The following NOTCH2 variants were observed in gnomAD, a reference collection of about 807,000 sequenced individuals.
NOTCH2 encodes the protein notch receptor 2, also known as neurogenic locus notch homolog protein 2.
In NOTCH2, 29 loss-of-function variants were observed where a neutral mutation model predicts 235.8. The ratio of observed to expected loss-of-function variants is 0.12; its 90% confidence interval spans 0.09 to 0.17. The LOEUF is 0.17. Among genes scored for constraint, NOTCH2 ranks in the 10% least tolerant of loss-of-function variants. The pLI is 1.00. For synonymous variants in NOTCH2, 1,086 were observed against 1,141.5 expected, an observed-to-expected ratio of 0.95 and a Z score of 0.98; for missense variants, 2,285 against 3,150.2, an observed-to-expected ratio of 0.73 and a Z score of 6.57.
chr1:119,950,896 C>T, intron 14 of NOTCH2, 59 bp from the exon 15 acceptor site: 1 of 1,059,500 alleles, frequency 9.4e-7, no homozygotes, highest in East Asian at 2.4e-5. Flanking sequence ...TCATCAATTT[C>T]TAACCAATTC....
chr1:119,945,851 T>C lies in NOTCH2; in HGVS notation c.2752+2563A>G, dbSNP rs371665984. On this transcript the variant is annotated intron_variant, in intron 17 of 33. Transcript: ENST00000256646. ...TGAATAATAAGTAGACAGAAAGTCA[T>C]AGAGGACATAAAAGACCTGAATAAC... 5.3e-5 allele frequency among the ~76,000 whole-genome samples: 8 copies of C among 152,136 alleles called. No homozygotes were observed. The East Asian group carries it at 9.7e-4, about 18-fold the overall frequency.
At chr1:120,047,692 A>G (rs1236071789) in intron 1 of NOTCH2, among the ~76,000 whole-genome samples, 1 of 150,416 alleles carries the variant, frequency 6.6e-6, no homozygotes, top group Admixed American at 6.6e-5. Context: ...TCAAAAAAAA[A>G]AAAAAAGTCA....
At chr1:119,936,832 C>T (rs1453687716) in intron 21 of NOTCH2, among the ~76,000 whole-genome samples, 1 of 151,854 alleles carries the variant, frequency 6.6e-6, no homozygotes, top group Non-Finnish European at 1.5e-5. Flanking sequence ...TAGCATGATG[C>T]TATGGGGAAC....
Position 119,977,925 on chromosome 1 carries a change from T to A in NOTCH2, c.875-8181A>T, listed in dbSNP as rs79563491. Among the ~76,000 whole-genome samples, 17 of 152,198 alleles carry A rather than the reference T, an allele frequency of 1.1e-4. No homozygotes were observed. In the East Asian group the frequency reaches 3.3e-3, roughly 29 times the overall value. On this transcript the variant is annotated intron_variant, in intron 5 of 33. Coordinates refer to ENST00000256646, the MANE Select transcript of NOTCH2 (RefSeq NM_024408.4). ...TGTGCCAGGCTCTGACTATACACAA[T>A]GGGATTATAATGGTGAACAAAACAG...
At chr1:120,023,235 A>G (rs1190192515) in intron 2 of NOTCH2, among the ~76,000 whole-genome samples, 3 of 151,006 alleles carry the variant, frequency 2.0e-5, no homozygotes, top group Non-Finnish European at 3.0e-5. Flanking sequence ...CAGGAGATAG[A>G]GACCATCCTG....
intron 4 of NOTCH2, among the ~76,000 whole-genome samples, chr1:119,988,783 C>T (rs1378709201): frequency 2.0e-5 from 3 of 152,186 alleles, no homozygotes; most frequent in Admixed American, 1.3e-4. Flanking sequence ...CCTCCCCTAA[C>T]TCGATCTCTC....
chr1:119,987,015 C>A lies in NOTCH2; in HGVS notation c.819G>T (p.Gly273=). The part of the protein sequence containing the change: ...DCPNHRCQNG[G]VCVDGVNTYN... ...AAGTGTTGACCCCATCCACACAAAC[C>A]CCTCCATTCTGACACCTGTGGTTAG... Residue 273 remains glycine, a synonymous_variant, in exon 5 of 34, where the codon GGG becomes GGT. Transcript: ENST00000256646. 6.2e-7 allele frequency: 1 copy of A among 1,613,768 alleles called. No homozygotes were observed.
Position 119,935,341 on chromosome 1 carries a change from T to C in NOTCH2, c.3655+131A>G, listed in dbSNP as rs782330458. 37 of 1,603,630 alleles carry C rather than the reference T, an allele frequency of 2.3e-5. 1 individual carries two copies. The highest frequency in any genetic ancestry group is 3.1e-5 in the Non-Finnish European group (36 of 1,177,168). ...AATAAAATGGCTTGAATTACTAGGATGTAGAACTAAATGCTTGGAATGAAG... is the reference window on the plus strand; with the variant it reads ...AATAAAATGGCTTGAATTACTAGGACGTAGAACTAAATGCTTGGAATGAAG... On this transcript the variant is annotated intron_variant, in intron 22 of 33. Coordinates refer to ENST00000256646, the MANE Select transcript of NOTCH2 (RefSeq NM_024408.4).
intron 3 of NOTCH2, among the ~76,000 whole-genome samples, chr1:119,999,963 GA>G (rs1652666460): frequency 3.1e-5 from 4 of 128,038 alleles, no homozygotes; most frequent in African/African-American, 7.6e-5. Context: ...AAGAAAGAAA[GA>G]AAGAAAGAAA....
At chr1:120,045,910 G>A (rs1457348741) in intron 1 of NOTCH2, among the ~76,000 whole-genome samples, 1 of 152,246 alleles carries the variant, frequency 6.6e-6, no homozygotes, top group Admixed American at 6.5e-5. Flanking sequence ...CATCCACTGG[G>A]GCACTGGAAG....
At chr1:119,942,806 C>A (rs1650106962) in intron 17 of NOTCH2, among the ~76,000 whole-genome samples, 2 of 151,988 alleles carry the variant, frequency 1.3e-5, no homozygotes, top group African/African-American at 4.8e-5. Flanking sequence ...TAAAGTTCTC[C>A]ATCAATTGTG....
At chr1:120,000,752 C>T (rs1341913118) in intron 3 of NOTCH2, among the ~76,000 whole-genome samples, 1 of 151,438 alleles carries the variant, frequency 6.6e-6, no homozygotes, top group African/African-American at 2.4e-5. Context: ...CAACTCAAAA[C>T]TGACAATCAG....
rs587728761 is a variant in NOTCH2 at position 119,967,578 on chromosome 1, C to T, written c.1308G>A (p.Thr436=). ...PCEHAGKCVN[T]DGAFHCECLK... ...GACACTCACAGTGGAAGGCGCCATC[C>T]GTGTTCACACATTTTCCTGCATGCT... The change falls in exon 8 of 34, where the codon ACG becomes ACA. Residue 436 remains threonine, a synonymous_variant. Transcript: ENST00000256646. The T allele has an allele frequency of 7.4e-6, 12 of 1,614,092 alleles. No individual in the cohort carries two copies. The East Asian group carries it at 1.3e-4, about 18-fold the overall frequency.
intron 18 of NOTCH2, 43 bp downstream of exon 18, chr1:119,941,483 T>G: frequency 7.1e-7 from 1 of 1,415,720 alleles, no homozygotes; most frequent in Non-Finnish European, 1.0e-6. Context: ...CCTTTCTCCC[T>G]TTCTCTCGTA....
chr1:119,912,190 G>C lies in NOTCH2; in HGVS notation c.*3116C>G, dbSNP rs1648917939. ...TACTACGTTTAGTCAGGAATATGCG[G>C]TCATTTTATTGGTTACTGGGTTTCT... On this transcript the variant is annotated 3_prime_UTR_variant, in exon 34 of 34. Coordinates refer to ENST00000256646, the MANE Select transcript of NOTCH2 (RefSeq NM_024408.4). The C allele has an allele frequency of 4.3e-6, 1 of 233,268 alleles. No individual in the cohort carries two copies. Among genetic ancestry groups the C allele is most frequent in the Admixed American group, 5.6e-5 (1 of 17,782 alleles). The allele number at this position is 233,268 out of a possible 1,614,324, so 14.4% of individuals were successfully genotyped here. A position where few individuals can be genotyped will look rare whatever the true frequency, so the allele number is the denominator to read the frequency against.
At position 119,911,653 on chromosome 1, in the gene NOTCH2, G is replaced by A. The variant is rs1314924403; in HGVS notation, c.*3653C>T. The A allele has an allele frequency of 2.1e-5, 5 of 232,696 alleles. No individual in the cohort carries two copies. The highest frequency in any genetic ancestry group is 4.2e-5 in the Non-Finnish European group (5 of 117,868). The allele number at this position is 232,696 out of a possible 1,614,324, so 14.4% of individuals were successfully genotyped here. On this transcript the variant is annotated 3_prime_UTR_variant, in exon 34 of 34. Coordinates refer to ENST00000256646, the MANE Select transcript of NOTCH2 (RefSeq NM_024408.4). The stretch of plus-strand genomic sequence containing the variant: ...ATTATTTTATAATCCTGTATATTAA[G>A]TTCTACACAAATTTCACTTAAGGAA...
intron 2 of NOTCH2, among the ~76,000 whole-genome samples, chr1:120,014,990 GCTTT>G (rs1653374231): frequency 2.7e-5 from 1 of 37,070 alleles, no homozygotes; most frequent in Non-Finnish European, 7.8e-5. Context: ...TCTGTCTTTA[GCTTT>G]TTTTTTTTTT....
intron 12 of NOTCH2, among the ~76,000 whole-genome samples, chr1:119,956,002 A>G (rs1650684541): frequency 6.6e-6 from 1 of 152,220 alleles, no homozygotes; most frequent in Non-Finnish European, 1.5e-5. Flanking sequence ...TAGGTGGTGT[A>G]AAAACTAGAT....
intron 22 of NOTCH2, among the ~76,000 whole-genome samples, chr1:119,931,299 T>G (rs982072928): frequency 1.3e-5 from 2 of 151,894 alleles, no homozygotes; most frequent in Non-Finnish European, 2.9e-5. Context: ...TACACCTAAA[T>G]GAAGACAACT....
Sources: gnomAD v4.1 joint callset for allele counts (sites outside exome capture counted in the v4.1 genomes callset) on GRCh38, gnomAD v4.1.1 for gene constraint, MANE v1.5 for transcripts, NCBI Gene and HGNC (gene_info 2026-07-23, HGNC 2026-07-21) for gene names.